Variants in IPO11 observed in about 807,000 individuals in gnomAD.
The protein encoded by IPO11 is importin 11.
In IPO11, 66 loss-of-function variants were observed where a neutral mutation model predicts 143.2. That is an observed-to-expected ratio of 0.46 (90% CI 0.38 to 0.57). IPO11 has a LOEUF of 0.57. Among genes scored for constraint, IPO11 ranks in the 20% least tolerant of loss-of-function variants. IPO11 has a pLI of 0.00. For missense variants in IPO11, 1,026 were observed against 1,141.0 expected, an observed-to-expected ratio of 0.90 and a Z score of 1.45; for synonymous variants, 385 against 377.8, an observed-to-expected ratio of 1.02 and a Z score of -0.22.
At chr5:62,592,827 G>A (rs182400903) in intron 28 of IPO11, among the ~76,000 whole-genome samples, 1 of 152,114 alleles carries the variant, frequency 6.6e-6, no homozygotes, top group African/African-American at 2.4e-5. Flanking sequence ...ACAGCATGAG[G>A]GTAATCGCCC....
In IPO11 at chr5:62,537,280, G is replaced by C. The variant is rs776812474; in HGVS notation, c.2241G>C (p.Gln747His). Residue 747 changes from glutamine (Q) to histidine (H), a missense_variant, in exon 24 of 30, where the codon CAG becomes CAC. Physicochemically the swap from Gln to His is conservative, Grantham distance 24 (BLOSUM62 0). This residue lies in a region of IPO11 where 351 missense variants were observed against 358.9 expected (regional missense o/e 0.98). Coordinates refer to ENST00000325324, the MANE Select transcript of IPO11 (RefSeq NM_016338.5). ...LKEITTEGQV[Q>H]VLKVVENALK... ...AAATTACTACAGAAGGTCAAGTTCA[G>C]GTGCTCAAGGTATTGTGATCATTTT... The C allele has an allele frequency of 3.8e-6, 6 of 1,581,334 alleles. 1 individual carries two copies. Among genetic ancestry groups the C allele is most frequent in the Middle Eastern group, 3.4e-4 (2 of 5,956 alleles).
chr5:62,554,519 A>G (rs577555679), intron 26 of IPO11, among the ~76,000 whole-genome samples: 2 of 152,108 alleles, frequency 1.3e-5, no homozygotes, highest in Non-Finnish European at 2.9e-5. Flanking sequence ...TTCTGGCACC[A>G]TCGTTGAAGT....
At chr5:62,589,662 G>A (rs1398463008) in intron 27 of IPO11, among the ~76,000 whole-genome samples, 17 of 152,110 alleles carry the variant, frequency 1.1e-4, no homozygotes, top group Admixed American at 1.1e-3. Flanking sequence ...ACTCCCTTAT[G>A]TGGTTCTTTT....
chr5:62,609,628 A>G (rs1466770246), intron 29 of IPO11, among the ~76,000 whole-genome samples: 1 of 152,212 alleles, frequency 6.6e-6, no homozygotes, highest in East Asian at 1.9e-4. Flanking sequence ...AGGGCTGACA[A>G]CACAATTGTG....
chr5:62,456,713 A>G (rs1477032559), intron 5 of IPO11, among the ~76,000 whole-genome samples: 2 of 152,218 alleles, frequency 1.3e-5, no homozygotes, highest in Non-Finnish European at 2.9e-5. Context: ...AGATATGTAC[A>G]ATATTGTGGG....
chr5:62,428,156 T>C (rs1241227017), intron 1 of IPO11, among the ~76,000 whole-genome samples: 1 of 152,148 alleles, frequency 6.6e-6, no homozygotes, highest in South Asian at 2.1e-4. Context: ...TCTTGATCTT[T>C]TTGGCCCTGA....
chr5:62,550,276 A>T (rs1393852933), intron 24 of IPO11, 91 bp from the exon 25 acceptor site: 2 of 938,354 alleles, frequency 2.1e-6, no homozygotes, highest in Non-Finnish European at 1.7e-6. Flanking sequence ...TTGGTCTGTG[A>T]TACTTATTTT....
At chr5:62,580,833 A>G (rs1561372110) in intron 27 of IPO11, 1 of 1,551,348 alleles carries the variant, frequency 6.4e-7, no homozygotes, top group Admixed American at 2.0e-5. Context: ...CTGCTGGTAG[A>G]TTTTTTCAAG....
chr5:62,612,366 A>G (rs897330166), intron 29 of IPO11, among the ~76,000 whole-genome samples: 1 of 152,194 alleles, frequency 6.6e-6, no homozygotes, highest in Non-Finnish European at 1.5e-5. Context: ...TGTGAGTTTC[A>G]GTGTAGTTTC....
chr5:62,575,059 G>C (rs1185459778), intron 27 of IPO11, among the ~76,000 whole-genome samples: 2 of 152,168 alleles, frequency 1.3e-5, no homozygotes, highest in Admixed American at 6.5e-5. Flanking sequence ...GCCATGTTAT[G>C]GCAGCACAAT....
At chr5:62,552,392 A>G (rs1743418030) in intron 26 of IPO11, among the ~76,000 whole-genome samples, 1 of 151,818 alleles carries the variant, frequency 6.6e-6, no homozygotes, top group Non-Finnish European at 1.5e-5. Flanking sequence ...AGAGATCCCA[A>G]CCCTTGTTTT....
intron 24 of IPO11, among the ~76,000 whole-genome samples, chr5:62,539,292 G>A (rs4526061): frequency 0.98 from 148,727 of 152,310 alleles, 72,638 homozygotes; most frequent in East Asian, 1. Context: ...AGTCTTTTGC[G>A]TTCCTTGGTT....
At position 62,435,046 on chromosome 5, in the gene IPO11, A is replaced by ATG. The variant is rs1173404152; in HGVS notation, c.-6-2224_-6-2223dup. 7.0e-4 allele frequency among the ~76,000 whole-genome samples: 96 copies of ATG among 136,562 alleles called. 2 individuals are homozygous for ATG. The highest frequency in any genetic ancestry group is 9.8e-4 in the Non-Finnish European group (64 of 64,998). 89.6% of individuals were successfully genotyped at this position (136,562 alleles called of 152,430 possible). A position where few individuals can be genotyped will look rare whatever the true frequency, so the allele number is the denominator to read the frequency against. On this transcript the variant is annotated intron_variant, in intron 1 of 29. Transcript: ENST00000325324. ...TCTCAAAAAAAAAATATATATGTAT[A>ATG]TGTGTATATATATATGTATATATAT...
chr5:62,464,253 G>A (rs1399066168), intron 5 of IPO11, among the ~76,000 whole-genome samples: 1 of 137,408 alleles, frequency 7.3e-6, no homozygotes, highest in African/African-American at 2.7e-5. Flanking sequence ...GGATTCTCCC[G>A]CCTCAGCCTC....
intron 19 of IPO11, among the ~76,000 whole-genome samples, chr5:62,507,257 G>A (rs899011634): frequency 5.9e-5 from 9 of 152,156 alleles, no homozygotes; most frequent in Admixed American, 1.3e-4. Context: ...AGCATAATGC[G>A]ACTCCCGTGG....
intron 26 of IPO11, among the ~76,000 whole-genome samples, chr5:62,559,725 T>A (rs984525287): frequency 2.0e-5 from 3 of 151,930 alleles, no homozygotes; most frequent in African/African-American, 7.2e-5. Flanking sequence ...GATACCAACC[T>A]GGCCAATATG....
intron 16 of IPO11, among the ~76,000 whole-genome samples, chr5:62,496,801 C>T (rs1741174599): frequency 6.6e-6 from 1 of 152,172 alleles, no homozygotes; most frequent in South Asian, 2.1e-4. Context: ...AATTGCTACA[C>T]TGAGGAAAAC....
At chr5:62,534,266 A>G (rs754472123) in intron 22 of IPO11, among the ~76,000 whole-genome samples, 64 of 152,198 alleles carry the variant, frequency 4.2e-4, no homozygotes, top group Non-Finnish European at 7.8e-4. Flanking sequence ...AAAGATCAGC[A>G]TGTGACTGGC....
intron 24 of IPO11, among the ~76,000 whole-genome samples, chr5:62,544,383 G>A (rs1743077621): frequency 6.6e-6 from 1 of 151,922 alleles, no homozygotes; most frequent in Non-Finnish European, 1.5e-5. Context: ...TGCAGAAAAG[G>A]CCTTTGACAA....
Sources: gnomAD v4.1 joint callset for allele counts (sites outside exome capture counted in the v4.1 genomes callset) on GRCh38, gnomAD v4.1.1 for gene constraint, gnomAD v4.1.1 regional missense constraint, MANE v1.5 for transcripts, NCBI Gene and HGNC (gene_info 2026-07-23, HGNC 2026-07-21) for gene names.